ADARB2: variants seen among roughly 807,000 people sequenced by gnomAD.
ADARB2 encodes the protein adenosine deaminase RNA specific B2 (inactive), also known as inactive double-stranded RNA-specific editase B2.
A neutral mutation model predicts 62.2 loss-of-function variants in ADARB2; 25 were observed. That is an observed-to-expected ratio of 0.40 (90% CI 0.29 to 0.56). ADARB2 has a LOEUF of 0.56. Among genes scored for constraint, ADARB2 ranks in the 20% least tolerant of loss-of-function variants. The pLI, the probability that ADARB2 is intolerant of heterozygous loss-of-function variation, is 0.43. For missense variants in ADARB2, 1,071 were observed against 1,077.4 expected (o/e 0.99, Z 0.08); for synonymous variants, 572 against 500.8 (o/e 1.14, Z -1.90).
chr10:1,332,026 A>G (rs1411155238), intron 3 of ADARB2, among the ~76,000 whole-genome samples: 1 of 152,224 alleles, frequency 6.6e-6, no homozygotes, highest in African/African-American at 2.4e-5. Flanking sequence ...GCTTTGGTTG[A>G]CAGGGCTCAG....
At chr10:1,639,570 C>A (rs576097652) in intron 1 of ADARB2, among the ~76,000 whole-genome samples, 1 of 152,198 alleles carries the variant, frequency 6.6e-6, no homozygotes, top group South Asian at 2.1e-4. Context: ...GAGGGCCGGG[C>A]GCAGTGGCTC....
rs984325847 is a variant in ADARB2, at chr10:1,492,615, G to A, written c.101-113455C>T. 2.0e-5 allele frequency among the ~76,000 whole-genome samples: 3 copies of A among 152,182 alleles called. No individual in the cohort carries two copies. The South Asian group carries it at 6.2e-4, about 32-fold the overall frequency. On this transcript the variant is annotated intron_variant, in intron 1 of 9. Coordinates refer to ENST00000381312, the MANE Select transcript of ADARB2 (RefSeq NM_018702.4). ...GGACTTTGTGTTGGCAGCCCTAGAA[G>A]GCTAATAGGTGGTCCAAGAACACCT...
In ADARB2 at chr10:1,177,953, T is replaced by C. The variant is rs1836610209; in HGVS notation, c.*5240A>G. ...TACCAAAAATACAAAAATTAGCCAA[T>C]CTCATAAGCCGGTCTCAAAAAAGTA... On this transcript the variant is annotated 3_prime_UTR_variant, in exon 10 of 10. Transcript: ENST00000381312. 1 of 152,124 alleles carries C rather than the reference T, an allele frequency of 6.6e-6. No individual in the cohort carries two copies. The highest frequency in any genetic ancestry group is 2.4e-5 in the African/African-American group (1 of 41,424). The allele number at this position is 152,124 out of a possible 1,614,324, so 9.4% of individuals were successfully genotyped here.
intron 5 of ADARB2, among the ~76,000 whole-genome samples, chr10:1,234,737 C>CTTTTTTTTTTTTTT (rs71376899): frequency 1.9e-5 from 1 of 53,606 alleles, no homozygotes; most frequent in African/African-American, 7.2e-5. Flanking sequence ...CGACCATGAT[C>CTTTTTTTTTTTTTT]TTTTTTTTTT....
intron 4 of ADARB2, among the ~76,000 whole-genome samples, chr10:1,250,580 C>G (rs141066092): frequency 2.0e-4 from 31 of 152,182 alleles, no homozygotes; most frequent in African/African-American, 7.2e-5. Flanking sequence ...CCCCCTTGAC[C>G]TTCTCCATCA....
intron 1 of ADARB2, among the ~76,000 whole-genome samples, chr10:1,416,401 A>G (rs2131882306): frequency 6.6e-6 from 1 of 152,242 alleles, no homozygotes; most frequent in South Asian, 2.1e-4. Context: ...ATTCTATTGC[A>G]CTTCAGTTAT....
chr10:1,623,114 A>G (rs1833726475), intron 1 of ADARB2, among the ~76,000 whole-genome samples: 1 of 152,204 alleles, frequency 6.6e-6, no homozygotes, highest in Non-Finnish European at 1.5e-5. Context: ...AAAATCTCCA[A>G]AAGAGGAAAA....
chr10:1,192,539 G>C (rs1273648470), intron 8 of ADARB2, among the ~76,000 whole-genome samples: 3 of 152,228 alleles, frequency 2.0e-5, no homozygotes, highest in Non-Finnish European at 4.4e-5. Flanking sequence ...TATAGCTGCT[G>C]TCTTGCTTTG....
chr10:1,467,581 C>G (rs867961250), intron 1 of ADARB2, among the ~76,000 whole-genome samples: 1 of 152,140 alleles, frequency 6.6e-6, no homozygotes, highest in African/African-American at 2.4e-5. Context: ...TGCTGTCGAG[C>G]GAGGACTGAA....
intron 1 of ADARB2, among the ~76,000 whole-genome samples, chr10:1,734,294 GTGTT>G (rs1835272771): frequency 8.3e-6 from 1 of 120,476 alleles, no homozygotes; most frequent in African/African-American, 3.2e-5. Flanking sequence ...TGTGACGAAG[GTGTT>G]TTTTTTTTTT....
rs201497021 is a variant in ADARB2 at position 1,726,797 on chromosome 10, AGGGAGGAGTGTG to A, written c.100+10242_100+10253del. On this transcript the variant is annotated intron_variant, in intron 1 of 9. Transcript: ENST00000381312. ...ACTGGAGAGCAGCTGTGCATTCAGG[AGGGAGGAGTGTG>A]GGGAGGAGTGTGTGCATCCCAGTGA... is the stretch of plus-strand genomic sequence containing the variant. 7.0e-3 allele frequency among the ~76,000 whole-genome samples: 1,063 copies of A among 152,144 alleles called. 15 individuals carry two copies. Among genetic ancestry groups the A allele is most frequent in the Non-Finnish European group, 9.1e-3 (620 of 67,982 alleles).
intron 3 of ADARB2, among the ~76,000 whole-genome samples, chr10:1,354,989 G>C (rs1832180916): frequency 6.6e-6 from 1 of 152,196 alleles, no homozygotes; most frequent in Admixed American, 6.5e-5. Flanking sequence ...CCTGCAGGCA[G>C]GTGACCCGAT....
At chr10:1,600,321 C>T (rs1054504675) in intron 1 of ADARB2, among the ~76,000 whole-genome samples, 3 of 151,970 alleles carry the variant, frequency 2.0e-5, no homozygotes, top group East Asian at 1.9e-4. Context: ...CTTCATTGCC[C>T]GGGTCCAATC....
At chr10:1,260,477 C>T (rs1384237370) in intron 4 of ADARB2, among the ~76,000 whole-genome samples, 2 of 150,454 alleles carry the variant, frequency 1.3e-5, no homozygotes, top group Non-Finnish European at 3.0e-5. Flanking sequence ...AATCAATGTA[C>T]AAAAATCACA....
chr10:1,182,780 T>G lies in ADARB2; in HGVS notation c.*413A>C, dbSNP rs1836695325. The G allele has an allele frequency of 6.1e-6, 1 of 164,928 alleles. No homozygotes were observed. Among genetic ancestry groups the G allele is most frequent in the Admixed American group, 6.2e-5 (1 of 16,110 alleles). 10.2% of individuals were successfully genotyped at this position (164,928 alleles called of 1,614,324 possible). ...TTGTGGCTTATCTTCATGTGCCCCCTCAAGCTAGTGAGACCCCAGCATCAC... is the reference window on the plus strand; with the variant it reads ...TTGTGGCTTATCTTCATGTGCCCCCGCAAGCTAGTGAGACCCCAGCATCAC... On this transcript the variant is annotated 3_prime_UTR_variant, in exon 10 of 10. Coordinates refer to ENST00000381312, the MANE Select transcript of ADARB2 (RefSeq NM_018702.4).
intron 7 of ADARB2, among the ~76,000 whole-genome samples, chr10:1,206,968 G>A (rs1056037273): frequency 1.3e-5 from 2 of 152,234 alleles, no homozygotes; most frequent in Non-Finnish European, 1.5e-5. Context: ...CGAAGGCAGC[G>A]GGGCTGCTGA....
chr10:1,676,139 C>T, intron 1 of ADARB2: 6 of 739,020 alleles, frequency 8.1e-6, no homozygotes, highest in Non-Finnish European at 9.9e-6. Context: ...TGGGTCTTGG[C>T]AAATGTGCAA....
At chr10:1,216,289 T>C (rs1337564565) in intron 7 of ADARB2, 1 of 149,710 alleles carries the variant, frequency 6.7e-6, no homozygotes, top group Non-Finnish European at 1.5e-5. Context: ...GGGGGAGGTC[T>C]CAACGCGTCA....
At chr10:1,687,106 A>T (rs955289071) in intron 1 of ADARB2, among the ~76,000 whole-genome samples, 1 of 146,380 alleles carries the variant, frequency 6.8e-6, no homozygotes, top group African/African-American at 2.6e-5. Context: ...CTCTCATTGC[A>T]ACCTCTGCCT....
Sources: gnomAD v4.1 joint callset for allele counts (sites outside exome capture counted in the v4.1 genomes callset) on GRCh38, gnomAD v4.1.1 for gene constraint, MANE v1.5 for transcripts, NCBI Gene and HGNC (gene_info 2026-07-23, HGNC 2026-07-21) for gene names.